MIPOL1: variants seen among roughly 807,000 people sequenced by gnomAD.
MIPOL1 encodes mirror-image polydactyly 1.
A neutral mutation model predicts 60.9 loss-of-function variants in MIPOL1; 57 were observed. The observed-to-expected ratio is 0.94, with a 90% CI of 0.76 to 1.17. The LOEUF (loss-of-function observed/expected upper bound fraction) is 1.17. Ranked by LOEUF, MIPOL1 falls within the 50% of genes most tolerant of loss-of-function variation. MIPOL1 has a pLI of 0.00. For missense variants in MIPOL1, 551 were observed against 511.6 expected (o/e 1.08, Z -0.74); for synonymous variants, 179 against 168.8 (o/e 1.06, Z -0.47).
At chr14:37,490,412 C>A (rs1047978699) in intron 11 of MIPOL1, among the ~76,000 whole-genome samples, 1 of 152,158 alleles carries the variant, frequency 6.6e-6, no homozygotes, top group African/African-American at 2.4e-5. Flanking sequence ...ACCTGCCAGC[C>A]AGACCACTTG....
chr14:37,295,173 T>C (rs930335396), intron 7 of MIPOL1, among the ~76,000 whole-genome samples: 5 of 152,180 alleles, frequency 3.3e-5, no homozygotes, highest in African/African-American at 1.2e-4. Flanking sequence ...GAAAAGAATT[T>C]TCAACCCAGA....
intron 9 of MIPOL1, among the ~76,000 whole-genome samples, chr14:37,355,340 T>C (rs2091729604): frequency 7.9e-6 from 1 of 127,290 alleles, no homozygotes; most frequent in Non-Finnish European, 1.7e-5. Flanking sequence ...GCCCTTAACA[T>C]TTTTTCCTTC....
intron 7 of MIPOL1, among the ~76,000 whole-genome samples, chr14:37,303,334 T>G (rs1026018759): frequency 6.6e-6 from 1 of 151,942 alleles, no homozygotes; most frequent in Admixed American, 6.6e-5. Context: ...ACTTATTAAT[T>G]CATTCTTAAA....
At chr14:37,388,238 C>T (rs1595536534) in intron 10 of MIPOL1, among the ~76,000 whole-genome samples, 1 of 151,562 alleles carries the variant, frequency 6.6e-6, no homozygotes, top group Non-Finnish European at 1.5e-5. Flanking sequence ...AAAACTGAGA[C>T]TTTAAGCACC....
At chr14:37,270,637 T>C (rs934461511) in intron 6 of MIPOL1, 112 bp downstream of exon 6, 2 of 343,268 alleles carry the variant, frequency 5.8e-6, no homozygotes, top group East Asian at 4.8e-5. Flanking sequence ...GAGGGGAAGC[T>C]CTCCTTTTTT....
intron 7 of MIPOL1, among the ~76,000 whole-genome samples, chr14:37,307,269 A>G (rs1288767465): frequency 6.6e-6 from 1 of 151,926 alleles, no homozygotes; most frequent in Non-Finnish European, 1.5e-5. Context: ...CCTTTTCACT[A>G]ACATATATCA....
chr14:37,534,508 A>T (rs1418137554), intron 12 of MIPOL1, among the ~76,000 whole-genome samples: 1 of 152,196 alleles, frequency 6.6e-6, no homozygotes, highest in South Asian at 2.1e-4. Flanking sequence ...ATATTTATTC[A>T]TAAGCAATAT....
intron 12 of MIPOL1, 79 bp from the exon 13 acceptor site, chr14:37,546,826 G>T: frequency 8.7e-7 from 1 of 1,154,310 alleles, no homozygotes; most frequent in Non-Finnish European, 1.3e-6. Flanking sequence ...GGCAAATACT[G>T]TCCTTTATCA....
At chr14:37,496,157 A>G (rs1197921272) in intron 11 of MIPOL1, among the ~76,000 whole-genome samples, 1 of 151,676 alleles carries the variant, frequency 6.6e-6, no homozygotes, top group East Asian at 1.9e-4. Context: ...ATTTCAAAAT[A>G]ATAAGAGCTA....
chr14:37,409,831 G>C (rs1225232210), intron 10 of MIPOL1, among the ~76,000 whole-genome samples: 1 of 152,034 alleles, frequency 6.6e-6, no homozygotes, highest in Non-Finnish European at 1.5e-5. Context: ...ATATAAGTTG[G>C]AATATATCTA....
At chr14:37,335,097 T>C (rs1252352822) in intron 9 of MIPOL1, among the ~76,000 whole-genome samples, 2 of 152,096 alleles carry the variant, frequency 1.3e-5, no homozygotes, top group Non-Finnish European at 2.9e-5. Context: ...TTTTCCAAAG[T>C]ACCTTTACCA....
intron 6 of MIPOL1, among the ~76,000 whole-genome samples, chr14:37,283,016 C>T (rs1000589595): frequency 1.3e-5 from 2 of 151,926 alleles, no homozygotes; most frequent in African/African-American, 4.8e-5. Flanking sequence ...AACGGGACTA[C>T]TGTATCAATT....
At chr14:37,365,787 TG>T (rs1228687930) in intron 9 of MIPOL1, among the ~76,000 whole-genome samples, 1 of 152,102 alleles carries the variant, frequency 6.6e-6, no homozygotes, top group Non-Finnish European at 1.5e-5. Context: ...GATTGGTATT[TG>T]TTCTTCTATA....
chr14:37,483,957 A>G (rs1215118407), intron 11 of MIPOL1, among the ~76,000 whole-genome samples: 1 of 152,188 alleles, frequency 6.6e-6, no homozygotes, highest in Non-Finnish European at 1.5e-5. Context: ...TTTCAAAGAA[A>G]TGTCTGCATT....
intron 11 of MIPOL1, among the ~76,000 whole-genome samples, chr14:37,449,359 C>T (rs1336745562): frequency 2.0e-5 from 3 of 151,992 alleles, no homozygotes; most frequent in Non-Finnish European, 2.9e-5. Context: ...TGAGTATAAA[C>T]ATTGACATAA....
At position 37,330,380 on chromosome 14, in the gene MIPOL1, T is replaced by G. The variant is rs375672985; in HGVS notation, c.828+21861T>G. Among the ~76,000 whole-genome samples, 230 of 152,240 alleles carry G rather than the reference T, an allele frequency of 1.5e-3. 5 individuals carry two copies. In the South Asian group the frequency reaches 0.047, roughly 31 times the overall value. ...ATTTAGTCTCCAAAGAGGTTTTAGT[T>G]AAATATTCTAAACACCTGGAAGCTA... On this transcript the variant is annotated intron_variant, in intron 9 of 12. Coordinates refer to ENST00000684589, the MANE Select transcript of MIPOL1 (RefSeq NM_001388067.1).
intron 11 of MIPOL1, among the ~76,000 whole-genome samples, chr14:37,486,942 G>A (rs756822547): frequency 7.9e-5 from 12 of 152,116 alleles, no homozygotes; most frequent in Non-Finnish European, 1.3e-4. Flanking sequence ...TCCAGTTTTT[G>A]CCCATTCAGT....
At chr14:37,332,214 A>G (rs1567507642) in intron 9 of MIPOL1, among the ~76,000 whole-genome samples, 1 of 151,742 alleles carries the variant, frequency 6.6e-6, no homozygotes, top group Non-Finnish European at 1.5e-5. Context: ...GGCCTTTGTC[A>G]TGTTGAGATG....
Position 37,363,369 on chromosome 14 carries a change from C to T in MIPOL1, c.829-6148C>T, listed in dbSNP as rs925326872. Among the ~76,000 whole-genome samples the T allele has an allele frequency of 4.6e-5, 7 of 152,274 alleles. No homozygotes were observed. In the East Asian group the frequency reaches 5.8e-4, roughly 13 times the overall value. On this transcript the variant is annotated intron_variant, in intron 9 of 12. Coordinates refer to ENST00000684589, the MANE Select transcript of MIPOL1 (RefSeq NM_001388067.1). The stretch of plus-strand genomic sequence containing the variant: ...TAGTTTTTCTTCTAACAGTCAGGTC[C>T]CTCAGCTGCAGGTCCATTGGAGTTT...
Sources: gnomAD v4.1 joint callset for allele counts (sites outside exome capture counted in the v4.1 genomes callset) on GRCh38, gnomAD v4.1.1 for gene constraint, MANE v1.5 for transcripts, NCBI Gene and HGNC (gene_info 2026-07-23, HGNC 2026-07-21) for gene names.